Variants in ERN1 observed in about 807,000 individuals in gnomAD.
ERN1 encodes the protein serine/threonine-protein kinase/endoribonuclease IRE1.
Under a neutral mutation model 113.1 loss-of-function variants are expected in ERN1, and 39 were observed. That is an observed-to-expected ratio of 0.34 (90% CI 0.27 to 0.45). The LOEUF (loss-of-function observed/expected upper bound fraction) is 0.45, where lower values mean the gene tolerates loss of function less well. Among genes scored for constraint, ERN1 ranks in the 20% least tolerant of loss-of-function variants. The probability of loss-of-function intolerance (pLI) is 1.00; values close to 1 mark genes in which losing one functional copy is unlikely to be tolerated. For missense variants in ERN1, 976 were observed against 1,274.8 expected (o/e 0.77, Z 3.57); for synonymous variants, 507 against 515.9 (o/e 0.98, Z 0.23).
chr17:64,106,148 T>C (rs755075064), intron 1 of ERN1, among the ~76,000 whole-genome samples: 26 of 152,220 alleles, frequency 1.7e-4, no homozygotes, highest in Non-Finnish European at 3.1e-4. Flanking sequence ...TACTGGATGG[T>C]TGGCACAGAG....
At chr17:64,089,318 CAAAAA>C (rs34094164) in intron 2 of ERN1, among the ~76,000 whole-genome samples, 2 of 24,236 alleles carry the variant, frequency 8.3e-5, no homozygotes, top group Non-Finnish European at 2.2e-4. Context: ...GAATCCATCT[CAAAAA>C]AAAAAAAAAA....
In ERN1 at chr17:64,042,006, C is replaced by T. The variant is rs1282369320; in HGVS notation, c.*1982G>A. On this transcript the variant is annotated 3_prime_UTR_variant, in exon 22 of 22. Coordinates refer to ENST00000433197, the MANE Select transcript of ERN1 (RefSeq NM_001433.5). The stretch of plus-strand genomic sequence containing the variant: ...CACCTGGGTACTCCCAAAGAGAAAA[C>T]CTGTGCTGAGAACGAGCTGGGCTGG... The T allele has an allele frequency of 1.3e-5, 2 of 152,206 alleles. No homozygotes were observed. The highest frequency in any genetic ancestry group is 6.5e-5 in the Admixed American group (1 of 15,284). 9.4% of individuals were successfully genotyped at this position (152,206 alleles called of 1,614,324 possible).
rs752376200 is a variant in ERN1 at position 64,068,311 on chromosome 17, C to T, written c.479-20G>A. ...TGTATTCTAAAGAACACAGACCAGC[C>T]AGCCCATTACCACGGAGGGGCCATA... On this transcript the variant is annotated intron_variant, in intron 6 of 21. Coordinates refer to ENST00000433197, the MANE Select transcript of ERN1 (RefSeq NM_001433.5). 63 of 1,569,182 alleles carry T rather than the reference C, an allele frequency of 4.0e-5. No individual in the cohort carries two copies. Among genetic ancestry groups the T allele is most frequent in the Admixed American group, 3.5e-5 (2 of 57,900 alleles).
intron 1 of ERN1, among the ~76,000 whole-genome samples, chr17:64,105,355 C>G (rs920427419): frequency 2.8e-4 from 42 of 152,188 alleles, no homozygotes; most frequent in African/African-American, 1.0e-3. Flanking sequence ...GCAATCCTTC[C>G]ACCTCAGCCT....
chr17:64,056,112 G>A (rs1912860815), intron 12 of ERN1, among the ~76,000 whole-genome samples, 164 bp from the exon 13 acceptor site: 1 of 152,158 alleles, frequency 6.6e-6, no homozygotes, highest in African/African-American at 2.4e-5. Context: ...GAATTGCTTC[G>A]ATGACTGGAC....
chr17:64,078,013 A>G (rs952690128), intron 4 of ERN1, among the ~76,000 whole-genome samples: 2 of 152,118 alleles, frequency 1.3e-5, no homozygotes, highest in South Asian at 2.1e-4. Context: ...GATTACAGGC[A>G]TGAGCCACCG....
chr17:64,089,835 A>AT lies in ERN1; in HGVS notation c.175+8285_175+8286insA, dbSNP rs201017127. On this transcript the variant is annotated intron_variant, in intron 2 of 21. Transcript: ENST00000433197. ...TAACCCTGGCTGACAGGTAACAGTG[A>AT]AACTAGAAAGGCATAGTCTGAATGA... 7.2e-5 allele frequency among the ~76,000 whole-genome samples: 11 copies of AT among 152,328 alleles called. 2 individuals carry two copies. In the East Asian group the frequency reaches 2.1e-3, roughly 29 times the overall value.
Position 64,049,162 on chromosome 17 carries a change from TA to T in ERN1, c.2293del (p.Tyr765ThrfsTer3). 1 of 1,606,150 alleles carries T rather than the reference TA, an allele frequency of 6.2e-7. No individual in the cohort carries two copies. The highest frequency in any genetic ancestry group is 8.5e-7 in the Non-Finnish European group (1 of 1,173,912). On this transcript the variant is annotated frameshift_variant, in exon 18 of 22. Coordinates refer to ENST00000433197, the MANE Select transcript of ERN1 (RefSeq NM_001433.5). LOFTEE classifies it high-confidence loss of function. The surrounding 1 kb of genome is among the most constrained non-coding windows in gnomAD (Gnocchi z 4.7). ...GTGGCTGCCCTCAGAGATTACGTAG[TA>T]AAAGACGCAGCCTGCAGAAAAGATG... is the stretch of plus-strand genomic sequence containing the variant. Reference protein sequence around the residue: ...VDIFSAGCVFYYVISEGSHPF... With the variant: ...VDIFSAGCVFXYVISEGSHPF...
Position 64,044,346 on chromosome 17 carries a change from C to A in ERN1, c.2722-146G>T. 1 of 607,788 alleles carries A rather than the reference C, an allele frequency of 1.6e-6. No individual in the cohort carries two copies. The highest frequency in any genetic ancestry group is 2.8e-5 in the South Asian group (1 of 35,634). 37.6% of individuals were successfully genotyped at this position (607,788 alleles called of 1,614,324 possible). ...GAAAAAGAAAAAAGGCTTATGTATC[C>A]AAGAATCCAGCCCCGTCATCTCGCC... On this transcript the variant is annotated intron_variant, in intron 21 of 21. Coordinates refer to ENST00000433197, the MANE Select transcript of ERN1 (RefSeq NM_001433.5). This position sits in a 1 kb window ranked among gnomAD's most constrained non-coding sequence, Gnocchi z 4.1.
rs539465149 is a variant in ERN1 at position 64,065,812 on chromosome 17, G to T, written c.843-525C>A. On this transcript the variant is annotated intron_variant, in intron 8 of 21. Coordinates refer to ENST00000433197, the MANE Select transcript of ERN1 (RefSeq NM_001433.5). ...GGGATGCATAAGAAATTCCAGACTT[G>T]GTGAGACTTCTGGTTCCCCAGCTGT... 2.0e-5 allele frequency among the ~76,000 whole-genome samples: 3 copies of T among 152,264 alleles called. No individual in the cohort carries two copies. In the East Asian group the frequency reaches 5.8e-4, roughly 29 times the overall value.
chr17:64,118,357 G>A (rs1285448506), intron 1 of ERN1, among the ~76,000 whole-genome samples: 2 of 152,122 alleles, frequency 1.3e-5, no homozygotes, highest in Non-Finnish European at 1.5e-5. Flanking sequence ...CAAGATACTG[G>A]CCCTATGATT....
chr17:64,066,639 C>A (rs764490173), intron 8 of ERN1, 32 bp downstream of exon 8: 5 of 1,609,704 alleles, frequency 3.1e-6, no homozygotes, highest in Non-Finnish European at 4.2e-6. Context: ...AAGGCCACGG[C>A]CGCCCTCTCC....
intron 2 of ERN1, among the ~76,000 whole-genome samples, chr17:64,087,636 A>G (rs542717882): frequency 2.0e-5 from 3 of 152,352 alleles, no homozygotes; most frequent in African/African-American, 7.2e-5. Flanking sequence ...GGTGCTGGGT[A>G]CATGGTTTCA....
At chr17:64,122,867 A>G (rs1419819987) in intron 1 of ERN1, among the ~76,000 whole-genome samples, 2 of 152,232 alleles carry the variant, frequency 1.3e-5, no homozygotes, top group African/African-American at 4.8e-5. Context: ...ATTTAACTGG[A>G]AATTTTTTTA....
At chr17:64,058,705 C>T (rs997573198) in intron 11 of ERN1, among the ~76,000 whole-genome samples, 1 of 152,086 alleles carries the variant, frequency 6.6e-6, no homozygotes, top group Non-Finnish European at 1.5e-5. Flanking sequence ...TCTAGGTATG[C>T]CGTTATCATT....
chr17:64,067,494 G>T (rs1031251309), intron 7 of ERN1, among the ~76,000 whole-genome samples: 1 of 151,094 alleles, frequency 6.6e-6, no homozygotes, highest in African/African-American at 2.4e-5. Context: ...TGTGGTCCCA[G>T]CTACTCAGTA....
intron 17 of ERN1, among the ~76,000 whole-genome samples, chr17:64,051,232 G>C (rs958611950): frequency 6.6e-6 from 1 of 151,882 alleles, no homozygotes; most frequent in East Asian, 1.9e-4. Flanking sequence ...TAACAATGTA[G>C]AAGAATTTCT....
chr17:64,128,161 AT>A (rs760752335), intron 1 of ERN1, among the ~76,000 whole-genome samples: 7,205 of 126,354 alleles, frequency 0.057, 248 homozygotes, highest in African/African-American at 0.14. Flanking sequence ...CGCCCGGCTA[AT>A]TTTTTTTTTT....
chr17:64,129,568 C>G (rs1318732793), intron 1 of ERN1: 1 of 353,884 alleles, frequency 2.8e-6, no homozygotes, highest in African/African-American at 2.1e-5. Context: ...CCTCCGCGGC[C>G]CCCGCCAGGC....
Sources: allele counts gnomAD v4.1 joint callset (sites outside exome capture counted in the v4.1 genomes callset), GRCh38; gene constraint gnomAD v4.1.1; non-coding constraint Gnocchi (gnomAD v3.1); transcripts MANE v1.5; gene names NCBI Gene and HGNC (gene_info 2026-07-23, HGNC 2026-07-21).